RANBP17: variants seen among roughly 807,000 people sequenced by gnomAD.
The protein encoded by RANBP17 is ran-binding protein 17.
RANBP17 carries 158 observed loss-of-function variants against 141.2 expected under a neutral mutation model. The observed-to-expected ratio is 1.12, with a 90% CI of 0.98 to 1.28. The LOEUF (loss-of-function observed/expected upper bound fraction) is 1.28, where lower values mean the gene tolerates loss of function less well. RANBP17 is among the 50% of genes most tolerant of loss of function. The pLI is 0.00. For synonymous variants in RANBP17, 430 were observed against 450.0 expected (o/e 0.96, Z 0.56); for missense variants, 1,438 against 1,290.7 (o/e 1.11, Z -1.75).
chr5:171,194,397 T>A (rs1057313067), intron 18 of RANBP17, among the ~76,000 whole-genome samples: 3 of 152,140 alleles, frequency 2.0e-5, no homozygotes, highest in African/African-American at 7.2e-5. Flanking sequence ...TGGAAACCAC[T>A]AATCTGTTTT....
chr5:171,120,474 A>G (rs919850645), intron 14 of RANBP17, among the ~76,000 whole-genome samples: 1 of 152,172 alleles, frequency 6.6e-6, no homozygotes, highest in South Asian at 2.1e-4. Flanking sequence ...AAGTTTAGAA[A>G]TTCTTTCTTC....
intron 5 of RANBP17, among the ~76,000 whole-genome samples, chr5:170,905,861 C>T (rs1771035315): frequency 6.6e-6 from 1 of 152,002 alleles, no homozygotes; most frequent in African/African-American, 2.4e-5. Flanking sequence ...AAATAGTCTG[C>T]CCTGGAAATG....
chr5:171,009,794 T>C (rs1779902302), intron 14 of RANBP17, among the ~76,000 whole-genome samples: 1 of 152,172 alleles, frequency 6.6e-6, no homozygotes, highest in African/African-American at 2.4e-5. Context: ...ATAACAATTA[T>C]AACCTCTGGA....
chr5:171,050,457 C>T (rs1401226541), intron 14 of RANBP17, among the ~76,000 whole-genome samples: 2 of 152,124 alleles, frequency 1.3e-5, no homozygotes, highest in South Asian at 2.1e-4. Context: ...TTATGTGGCT[C>T]ACATCTTTAA....
At chr5:170,921,011 T>C (rs937680213) in intron 11 of RANBP17, among the ~76,000 whole-genome samples, 1 of 152,234 alleles carries the variant, frequency 6.6e-6, no homozygotes, top group Non-Finnish European at 1.5e-5. Flanking sequence ...GATGGATAGA[T>C]TGCAAAGATT....
chr5:171,190,901 C>T (rs1761585403), intron 18 of RANBP17, among the ~76,000 whole-genome samples: 1 of 152,130 alleles, frequency 6.6e-6, no homozygotes, highest in Non-Finnish European at 1.5e-5. Context: ...GTTGATTTTT[C>T]CTTGGACATT....
chr5:170,930,494 TTGG>T (rs1317661133), intron 12 of RANBP17, among the ~76,000 whole-genome samples: 1 of 152,062 alleles, frequency 6.6e-6, no homozygotes, highest in Non-Finnish European at 1.5e-5. Flanking sequence ...ATGTGCCATG[TTGG>T]TGTGCTGCAC....
At chr5:170,934,710 C>T (rs547515322) in intron 12 of RANBP17, among the ~76,000 whole-genome samples, 39 of 152,254 alleles carry the variant, frequency 2.6e-4, no homozygotes, top group Admixed American at 1.7e-3. Flanking sequence ...GTGGGTAACC[C>T]GACCTTTCTC....
At chr5:171,074,717 C>CTAT (rs1784816350) in intron 14 of RANBP17, among the ~76,000 whole-genome samples, 1 of 152,086 alleles carries the variant, frequency 6.6e-6, no homozygotes, top group African/African-American at 2.4e-5. Context: ...TATTAATTGC[C>CTAT]TATTATAATC....
At chr5:171,031,732 G>A (rs1781561431) in intron 14 of RANBP17, among the ~76,000 whole-genome samples, 1 of 151,886 alleles carries the variant, frequency 6.6e-6, no homozygotes, top group Non-Finnish European at 1.5e-5. Context: ...CATACCTCCT[G>A]AGTAGTAGCA....
At chr5:171,060,894 G>A (rs1335048685) in intron 14 of RANBP17, among the ~76,000 whole-genome samples, 1 of 152,044 alleles carries the variant, frequency 6.6e-6, no homozygotes, top group African/African-American at 2.4e-5. Flanking sequence ...AGTCTTGGGA[G>A]GGTGTATGTG....
At chr5:171,277,513 A>G (rs1355006912) in intron 25 of RANBP17, among the ~76,000 whole-genome samples, 2 of 150,864 alleles carry the variant, frequency 1.3e-5, no homozygotes, top group Non-Finnish European at 3.0e-5. Flanking sequence ...ATGTCGCTAT[A>G]GAAGGAAAAC....
At chr5:171,228,570 A>G (rs746712555) in intron 22 of RANBP17, among the ~76,000 whole-genome samples, 7 of 152,224 alleles carry the variant, frequency 4.6e-5, no homozygotes, top group African/African-American at 1.4e-4. Context: ...ATTGACTCCA[A>G]TTTTTAAAGA....
chr5:170,869,323 CTT>C (rs70982310), intron 1 of RANBP17, among the ~76,000 whole-genome samples: 8 of 125,450 alleles, frequency 6.4e-5, no homozygotes, highest in African/African-American at 8.9e-5. Context: ...GCTCACAACA[CTT>C]TTTTTTTTTT....
intron 1 of RANBP17, among the ~76,000 whole-genome samples, chr5:170,875,336 G>A (rs1469572455): frequency 6.6e-6 from 1 of 152,116 alleles, no homozygotes; most frequent in Admixed American, 6.5e-5. Flanking sequence ...GAGGTTCTCT[G>A]TATTTCCTGA....
chr5:170,946,845 A>G (rs1774810179), intron 12 of RANBP17, among the ~76,000 whole-genome samples: 2 of 152,152 alleles, frequency 1.3e-5, no homozygotes, highest in Admixed American at 6.5e-5. Flanking sequence ...CAGTGAAATC[A>G]CTAACAAAAA....
intron 14 of RANBP17, chr5:170,983,198 G>A: frequency 6.9e-6 from 3 of 437,232 alleles, no homozygotes; most frequent in Non-Finnish European, 1.3e-5. Context: ...GATAACAGCT[G>A]TGCCTCAGGC....
At chr5:171,258,118 TACACACACACACACACACAC>T (rs34304503) in intron 24 of RANBP17, among the ~76,000 whole-genome samples, 7 of 128,298 alleles carry the variant, frequency 5.5e-5, no homozygotes, top group Admixed American at 2.4e-4. Flanking sequence ...AAAAAAAAAA[TACACACACACACACACACAC>T]ACACACACAC....
intron 25 of RANBP17, among the ~76,000 whole-genome samples, chr5:171,277,635 A>ATG (rs1386796395): frequency 0.013 from 949 of 70,306 alleles, 94 homozygotes; most frequent in East Asian, 0.037. Flanking sequence ...ACATATATGT[A>ATG]TGTATATATA....
Sources: allele counts gnomAD v4.1 joint callset (sites outside exome capture counted in the v4.1 genomes callset), GRCh38; gene constraint gnomAD v4.1.1; transcripts MANE v1.5; gene names NCBI Gene and HGNC (gene_info 2026-07-23, HGNC 2026-07-21).